Variants in CFTR observed in about 807,000 individuals in gnomAD.
The protein encoded by CFTR is CF transmembrane conductance regulator, also known as cystic fibrosis transmembrane conductance regulator.
A neutral mutation model predicts 171.6 loss-of-function variants in CFTR; 181 were observed. The observed-to-expected ratio is 1.05, with a 90% CI of 0.93 to 1.19. The LOEUF (loss-of-function observed/expected upper bound fraction) is 1.19, where lower values mean the gene tolerates loss of function less well. CFTR is among the 50% of genes most tolerant of loss of function. The probability of loss-of-function intolerance (pLI) is 0.00; values close to 1 mark genes in which losing one functional copy is unlikely to be tolerated. For synonymous variants in CFTR, 583 were observed against 608.0 expected (o/e 0.96, Z 0.60); for missense variants, 1,968 against 1,734.7 (o/e 1.13, Z -2.39).
At chr7:117,585,944 A>T (rs1791926891) in intron 11 of CFTR, among the ~76,000 whole-genome samples, 2 of 152,208 alleles carry the variant, frequency 1.3e-5, no homozygotes. Context: ...ATGCCCAACC[A>T]GATTTAGTTT....
At chr7:117,588,908 T>A (rs1791987319) in intron 12 of CFTR, among the ~76,000 whole-genome samples, 1 of 152,128 alleles carries the variant, frequency 6.6e-6, no homozygotes, top group Non-Finnish European at 1.5e-5. Context: ...TAGATACGGA[T>A]AATTCACAGG....
intron 1 of CFTR, among the ~76,000 whole-genome samples, chr7:117,486,945 C>T (rs930994698): frequency 4.7e-5 from 7 of 150,508 alleles, no homozygotes; most frequent in Admixed American, 2.7e-4. Flanking sequence ...GAGGTAAAAT[C>T]AACTGGTTTG....
chr7:117,662,905 G>C (rs1793314286), intron 24 of CFTR, among the ~76,000 whole-genome samples: 1 of 152,122 alleles, frequency 6.6e-6, no homozygotes, highest in African/African-American at 2.4e-5. Context: ...CTGGAGAGTT[G>C]GAAATGACAA....
chr7:117,622,435 T>C (rs1792598153), intron 21 of CFTR, among the ~76,000 whole-genome samples: 1 of 152,146 alleles, frequency 6.6e-6, no homozygotes, highest in African/African-American at 2.4e-5. Flanking sequence ...GGATTTATGA[T>C]TTAAAAGCCC....
chr7:117,590,591 T>C, intron 13 of CFTR, 152 bp downstream of exon 13: 1 of 957,660 alleles, frequency 1.0e-6, no homozygotes, highest in Non-Finnish European at 1.5e-6. Context: ...AAATCTGATC[T>C]GCCCTACTGG....
intron 25 of CFTR, among the ~76,000 whole-genome samples, 165 bp downstream of exon 25, chr7:117,665,025 C>T (rs1793350121): frequency 1.3e-5 from 2 of 152,186 alleles, no homozygotes; most frequent in South Asian, 4.1e-4. Context: ...TGCATATTTC[C>T]TTGCTAAGAG....
intron 22 of CFTR, among the ~76,000 whole-genome samples, chr7:117,634,790 A>G (rs1792801043): frequency 6.6e-6 from 1 of 152,184 alleles, no homozygotes; most frequent in South Asian, 2.1e-4. Flanking sequence ...TTTCTAGTTT[A>G]ATTCCATTGT....
intron 4 of CFTR, among the ~76,000 whole-genome samples, chr7:117,531,921 A>T (rs1798872710): frequency 6.6e-6 from 1 of 152,180 alleles, no homozygotes; most frequent in Non-Finnish European, 1.5e-5. Context: ...AAAACATTAT[A>T]TGTTAAATAC....
At chr7:117,573,545 CA>C (rs1231500709) in intron 11 of CFTR, among the ~76,000 whole-genome samples, 1 of 152,084 alleles carries the variant, frequency 6.6e-6, no homozygotes, top group African/African-American at 2.4e-5. Flanking sequence ...TTACCCTGTC[CA>C]AATTCTCCTG....
intron 2 of CFTR, among the ~76,000 whole-genome samples, chr7:117,506,257 T>C (rs1374817034): frequency 6.6e-6 from 1 of 152,132 alleles, no homozygotes; most frequent in Non-Finnish European, 1.5e-5. Context: ...GTTGTTGCTG[T>C]TGTTTTTGAG....
intron 9 of CFTR, among the ~76,000 whole-genome samples, chr7:117,545,385 G>T (rs537046612): frequency 6.6e-6 from 1 of 152,100 alleles, no homozygotes; most frequent in Non-Finnish European, 1.5e-5. Flanking sequence ...TATGTTCTCC[G>T]TGGGTGACCT....
At chr7:117,559,439 T>C in intron 10 of CFTR, 25 bp from the exon 11 acceptor site, 1 of 1,475,268 alleles carries the variant, frequency 6.8e-7, no homozygotes, top group Non-Finnish European at 9.5e-7. Flanking sequence ...GATAATGACC[T>C]AATAATGATG....
At position 117,610,564 on chromosome 7, in the gene CFTR, CA is replaced by C; in HGVS notation, c.3036del (p.Gln1012HisfsTer11). 6.2e-7 allele frequency: 1 copy of C among 1,613,460 alleles called. No individual in the cohort carries two copies. The highest frequency in any genetic ancestry group is 1.1e-5 in the South Asian group (1 of 91,070). The stretch of plus-strand genomic sequence containing the variant: ...AGCTATAGCAGTTGTCGCAGTTTTA[CA>C]ACCCTACATCTTTGTTGCAACAGTG... ...IGAIAVVAVLQPYIFVATVPV... is the reference protein window; with the variant it reads ...IGAIAVVAVLXPYIFVATVPV... On this transcript the variant is annotated frameshift_variant, in exon 19 of 27. Transcript: ENST00000003084. LOFTEE classifies it high-confidence loss of function.
chr7:117,486,255 A>G (rs377643886), intron 1 of CFTR, among the ~76,000 whole-genome samples: 66 of 152,266 alleles, frequency 4.3e-4, no homozygotes, highest in African/African-American at 1.5e-3. Flanking sequence ...AGGAGCTGAG[A>G]TACAGCAGTA....
chr7:117,586,527 T>C (rs1204784546), intron 11 of CFTR: 1 of 152,190 alleles, frequency 6.6e-6, no homozygotes, highest in Non-Finnish European at 1.5e-5. Flanking sequence ...TTACTACTTA[T>C]TAATCTATTT....
At chr7:117,627,885 C>G (rs947997437) in intron 22 of CFTR, 115 bp downstream of exon 22, 12 of 1,055,420 alleles carry the variant, frequency 1.1e-5, no homozygotes, top group Non-Finnish European at 1.7e-5. Context: ...ACAGTAGAAT[C>G]AATATTAAAC....
intron 11 of CFTR, among the ~76,000 whole-genome samples, chr7:117,567,276 C>T (rs1050500193): frequency 6.6e-6 from 1 of 152,036 alleles, no homozygotes; most frequent in Non-Finnish European, 1.5e-5. Context: ...TTTAATGGTA[C>T]CTTAGACATA....
chr7:117,499,285 A>G (rs759569167), intron 1 of CFTR, among the ~76,000 whole-genome samples: 2 of 152,192 alleles, frequency 1.3e-5, no homozygotes, highest in South Asian at 2.1e-4. Context: ...CTTTAATTAT[A>G]TGACTTTAGG....
intron 23 of CFTR, among the ~76,000 whole-genome samples, chr7:117,648,657 G>GT (rs1386668979): frequency 2.0e-5 from 3 of 152,184 alleles, no homozygotes; most frequent in Non-Finnish European, 4.4e-5. Flanking sequence ...GGCAAACCAC[G>GT]TAACTTCTCA....
Sources: gnomAD v4.1 joint callset for allele counts (sites outside exome capture counted in the v4.1 genomes callset) on GRCh38, gnomAD v4.1.1 for gene constraint, MANE v1.5 for transcripts, NCBI Gene and HGNC (gene_info 2026-07-23, HGNC 2026-07-21) for gene names.